The following LENG9 variants were observed in gnomAD, a reference collection of about 807,000 sequenced individuals.
LENG9 encodes leukocyte receptor cluster (LRC) member 9.
For synonymous variants in LENG9, 410 were observed against 303.9 expected, an observed-to-expected ratio of 1.35 and a Z score of -3.63; for missense variants, 872 against 652.7, an observed-to-expected ratio of 1.34 and a Z score of -3.66.
rs759974461 is a variant in LENG9, at chr19:54,462,936, G to A, written c.591C>T (p.Cys197=). Residue 197 remains cysteine, a synonymous_variant, in exon 1 of 1, where the codon TGC becomes TGT. Transcript: ENST00000611161. ...APKRGSTRPL[C]TGHQEPGVEE... is the part of the protein sequence containing the mutation. ...CCACGCCTGGTTCCTGGTGCCCTGT[G>A]CAGAGCGGCCTTGTGCTCCCTCGCT... 11 of 1,611,822 alleles carry A rather than the reference G, an allele frequency of 6.8e-6. No homozygotes were observed. In the Admixed American group the frequency reaches 1.8e-4, roughly 27 times the overall value.
Position 54,463,000 on chromosome 19 carries a change from G to C in LENG9, c.527C>G (p.Thr176Arg), listed in dbSNP as rs1414007588. The C allele has an allele frequency of 5.0e-6, 8 of 1,606,108 alleles. No homozygotes were observed. The highest frequency in any genetic ancestry group is 6.8e-6 in the Non-Finnish European group (8 of 1,179,728). Residue 176 changes from threonine to arginine, a missense_variant, in exon 1 of 1, where the codon ACA becomes AGA. Thr to Arg is a moderately conservative substitution (Grantham distance 71). Transcript: ENST00000611161. ...GGCCTCCTGACCTGTCCCCGCCAGTGTCCACTCGGCACCCTCTGCCCCGTG... is the reference window on the plus strand; with the variant it reads ...GGCCTCCTGACCTGTCCCCGCCAGTCTCCACTCGGCACCCTCTGCCCCGTG... ...GAHGAEGAEWTLAGTGQEAQA... is the reference protein window; with the variant it reads ...GAHGAEGAEWRLAGTGQEAQA...
rs746183393 is a variant in LENG9 at position 54,463,193 on chromosome 19, CCGCCAGCG to C, written c.326_333del (p.Pro109ArgfsTer113). Reference sequence around the variant, plus strand: ...ACTGCCAGCACGCCCGGCCCGAGCGCCGCCAGCGGCTGGTCCCAGCAAAAGGCGCTGAA... The same window carrying C: ...ACTGCCAGCACGCCCGGCCCGAGCGCGCTGGTCCCAGCAAAAGGCGCTGAA... On this transcript the variant is annotated frameshift_variant, in exon 1 of 1. Coordinates refer to ENST00000611161, the MANE Select transcript of LENG9 (RefSeq NM_001301782.2). LOFTEE classifies it low-confidence loss of function (END_TRUNC). The C allele has an allele frequency of 7.3e-5, 115 of 1,564,934 alleles. No individual in the cohort carries two copies. The highest frequency in any genetic ancestry group is 9.6e-5 in the Non-Finnish European group (112 of 1,161,986).
rs1232484767 is a variant in LENG9, at chr19:54,463,386, C to T, written c.141G>A (p.Ala47=). Residue 47 remains alanine, a synonymous_variant, in exon 1 of 1, where the codon GCG becomes GCA. Coordinates refer to ENST00000611161, the MANE Select transcript of LENG9 (RefSeq NM_001301782.2). ...RCRQPHPGAP[A]PPGREAQPEA... The stretch of plus-strand genomic sequence containing the variant: ...CCGGCTGCGCCTCGCGGCCAGGCGG[C>T]GCCGGCGCCCCAGGGTGGGGCTGGC... 3.1e-6 allele frequency: 4 copies of T among 1,293,338 alleles called. No individual in the cohort carries two copies. Among genetic ancestry groups the T allele is most frequent in the Non-Finnish European group, 2.9e-6 (3 of 1,024,142 alleles). 80.1% of individuals were successfully genotyped at this position (1,293,338 alleles called of 1,614,324 possible).
Position 54,462,162 on chromosome 19 carries a change from C to T in LENG9, c.1365G>A (p.Gln455=), listed in dbSNP as rs1312134594. The T allele has an allele frequency of 2.5e-6, 4 of 1,610,510 alleles. No individual in the cohort carries two copies. The African/African-American group carries it at 4.0e-5, about 16-fold the overall frequency. The change falls in exon 1 of 1, where the codon CAG becomes CAA. Residue 455 remains glutamine, a synonymous_variant. Transcript: ENST00000611161. Reference sequence around the variant, plus strand: ...TCCCTATACGGCACAGCCAGAGTGTCTGCAGGGGCTGGCACCCCACTTCCT... The same window carrying T: ...TCCCTATACGGCACAGCCAGAGTGTTTGCAGGGGCTGGCACCCCACTTCCT... ...LSQEVGCQPL[Q]TLWLCRIGRT... is the part of the protein sequence containing the mutation.
chr19:54,461,910 C>T lies in LENG9; in HGVS notation c.*180G>A, dbSNP rs1391516543. ...TTCCAGATGTTCCTCCTCTGCCTCC[C>T]CTTCCCCTCCTCTCCCCTCCTTTTC... is the stretch of plus-strand genomic sequence containing the variant. On this transcript the variant is annotated 3_prime_UTR_variant, in exon 1 of 1. Coordinates refer to ENST00000611161, the MANE Select transcript of LENG9 (RefSeq NM_001301782.2). 1.0e-5 allele frequency: 9 copies of T among 865,458 alleles called. No individual in the cohort carries two copies. The highest frequency in any genetic ancestry group is 8.0e-5 in the South Asian group (6 of 74,650). The allele number at this position is 865,458 out of a possible 1,614,324, so 53.6% of individuals were successfully genotyped here. A position where few individuals can be genotyped will look rare whatever the true frequency, so the allele number is the denominator to read the frequency against.
chr19:54,462,833 C>T lies in LENG9; in HGVS notation c.694G>A (p.Gly232Arg), dbSNP rs1427331698. The T allele has an allele frequency of 1.9e-6, 3 of 1,612,510 alleles. No individual in the cohort carries two copies. Among genetic ancestry groups the T allele is most frequent in the Admixed American group, 1.7e-5 (1 of 60,012 alleles). ...AADLGTLAPR[G>R]RLAGVTEALK... Reference sequence around the variant, plus strand: ...GCCTCAGTCACTCCGGCGAGGCGTCCTCTTGGGGCCAGTGTTCCCAAATCA... The same window carrying T: ...GCCTCAGTCACTCCGGCGAGGCGTCTTCTTGGGGCCAGTGTTCCCAAATCA... The change falls in exon 1 of 1, where the codon GGA becomes AGA. Residue 232 changes from glycine (G) to arginine (R), a missense_variant. Physicochemically the swap from Gly to Arg is moderately radical, Grantham distance 125. Transcript: ENST00000611161.
Position 54,463,606 on chromosome 19 carries a change from C to A in LENG9, c.-80G>T. ...GCGGCTCCCCTTGGATGCACCGAGC[C>A]TCACCCGACAGTGGCGTCAGCGGCC... On this transcript the variant is annotated 5_prime_UTR_variant, in exon 1 of 1. The change creates a new upstream start codon in the 5' untranslated region. Transcript: ENST00000611161. The A allele has an allele frequency of 7.8e-7, 1 of 1,289,122 alleles. No individual in the cohort carries two copies. The highest frequency in any genetic ancestry group is 2.1e-5 in the South Asian group (1 of 46,800). The allele number at this position is 1,289,122 out of a possible 1,614,324, so 79.9% of individuals were successfully genotyped here.
Position 54,463,528 on chromosome 19 carries a change from G to A in LENG9, c.-2C>T, listed in dbSNP as rs925799054. On this transcript the variant is annotated 5_prime_UTR_variant, in exon 1 of 1. Transcript: ENST00000611161. ...CTCCGGCTCTCTGGCCGCTGCCATG[G>A]GTGCGGGGAACTGGCACGCCCGCCG... 5.1e-6 allele frequency: 7 copies of A among 1,378,172 alleles called. No individual in the cohort carries two copies. The African/African-American group carries it at 9.0e-5, about 18-fold the overall frequency. 85.4% of individuals were successfully genotyped at this position (1,378,172 alleles called of 1,614,324 possible). A position where few individuals can be genotyped will look rare whatever the true frequency, so the allele number is the denominator to read the frequency against.
Position 54,463,118 on chromosome 19 carries a change from C to G in LENG9, c.409G>C (p.Asp137His). 6.3e-7 allele frequency: 1 copy of G among 1,599,750 alleles called. No individual in the cohort carries two copies. The highest frequency in any genetic ancestry group is 8.5e-7 in the Non-Finnish European group (1 of 1,178,276). The change falls in exon 1 of 1, where the codon GAC (aspartate) becomes CAC (histidine). Residue 137 changes from aspartate (D) to histidine (H), a missense_variant. By Grantham distance (81) the Asp-to-His change is moderately conservative. Coordinates refer to ENST00000611161, the MANE Select transcript of LENG9 (RefSeq NM_001301782.2). The stretch of plus-strand genomic sequence containing the variant: ...ACGAGGTCGGTGCGCGAGGCGCGGT[C>G]CCACACAAGGCGGCCACGGAAGCGG... ...FFRFRGRLVW[D>H]RASRTDLVFG... is the part of the protein sequence containing the mutation.
chr19:54,463,260 G>A lies in LENG9; in HGVS notation c.267C>T (p.Tyr89=), dbSNP rs1427230499. The A allele has an allele frequency of 3.9e-6, 6 of 1,542,338 alleles. No homozygotes were observed. Among genetic ancestry groups the A allele is most frequent in the Non-Finnish European group, 5.2e-6 (6 of 1,150,036 alleles). Residue 89 remains tyrosine (Y), a synonymous_variant, in exon 1 of 1, where the codon TAC becomes TAT. Transcript: ENST00000611161. ...CGCGCACACCCAGAAAGCGGTCGAC[G>A]TAGCCCACCGAGAAGTCGGCGGGGT... ...RLDPADFSVG[Y]VDRFLGVREE... is the part of the protein sequence containing the mutation.
rs1279112134 is a variant in LENG9 at position 54,462,266 on chromosome 19, G to C, written c.1261C>G (p.Leu421Val). 3 of 1,609,670 alleles carry C rather than the reference G, an allele frequency of 1.9e-6. No individual in the cohort carries two copies. Among genetic ancestry groups the C allele is most frequent in the Admixed American group, 1.7e-5 (1 of 59,752 alleles). ...GLSTLQSPGQ[L>V]HPHLTVAKVP... ...TTGGCCACGGTGAGGTGGGGGTGCA[G>C]CTGCCCTGGAGACTGTAGTGTACTC... Residue 421 changes from leucine (L) to valine (V), a missense_variant, in exon 1 of 1, where the codon CTG becomes GTG. By Grantham distance (32) the Leu-to-Val change is conservative (BLOSUM62 1). Coordinates refer to ENST00000611161, the MANE Select transcript of LENG9 (RefSeq NM_001301782.2).
Position 54,463,308 on chromosome 19 carries a change from G to A in LENG9, c.219C>T (p.Arg73=). ...GGTCGAGGCGCGGGTCCCAGCGGAT[G>A]CGCTGGATGACGTCCGCGGCTGTGC... is the stretch of plus-strand genomic sequence containing the variant. ...PLRTAADVIQ[R]IRWDPRLDPA... Residue 73 remains arginine (R), a synonymous_variant, in exon 1 of 1, where the codon CGC becomes CGT. Transcript: ENST00000611161. The A allele has an allele frequency of 6.5e-6, 10 of 1,529,198 alleles. No individual in the cohort carries two copies. The highest frequency in any genetic ancestry group is 7.9e-6 in the Non-Finnish European group (9 of 1,143,662). The allele number at this position is 1,529,198 out of a possible 1,614,324, so 94.7% of individuals were successfully genotyped here.
chr19:54,463,543 C>T lies in LENG9; in HGVS notation c.-17G>A. 3.6e-6 allele frequency: 5 copies of T among 1,388,816 alleles called. No homozygotes were observed. The highest frequency in any genetic ancestry group is 3.7e-6 in the Non-Finnish European group (4 of 1,067,056). 86.0% of individuals were successfully genotyped at this position (1,388,816 alleles called of 1,614,324 possible). ...CGCTGCCATGGGTGCGGGGAACTGG[C>T]ACGCCCGCCGCGCAGACGAGGTCGC... On this transcript the variant is annotated 5_prime_UTR_variant, in exon 1 of 1. Transcript: ENST00000611161.
Position 54,462,904 on chromosome 19 carries a change from G to T in LENG9, c.623C>A (p.Pro208His), listed in dbSNP as rs1315642086. 6.2e-7 allele frequency: 1 copy of T among 1,612,614 alleles called. No homozygotes were observed. Among genetic ancestry groups the T allele is most frequent in the Non-Finnish European group, 8.5e-7 (1 of 1,179,970 alleles). The change falls in exon 1 of 1, where the codon CCC becomes CAC. Residue 208 changes from proline (P) to histidine (H), a missense_variant. By Grantham distance (77) the Pro-to-His change is moderately conservative (BLOSUM62 -2). Transcript: ENST00000611161. The stretch of plus-strand genomic sequence containing the variant: ...CTCCTGGGCCGCCTCCAGCTCTCCG[G>T]GTTCCTCCACGCCTGGTTCCTGGTG... ...TGHQEPGVEE[P>H]GELEAAQERA...
Position 54,461,848 on chromosome 19 carries a change from T to A in LENG9, c.*242A>T. On this transcript the variant is annotated 3_prime_UTR_variant, in exon 1 of 1. Transcript: ENST00000611161. ...TGCCATGTAACTGGAGGATGTGCTATGAGTTTGCAAACAGCTGGACTGTCA... is the reference window on the plus strand; with the variant it reads ...TGCCATGTAACTGGAGGATGTGCTAAGAGTTTGCAAACAGCTGGACTGTCA... 1 of 615,096 alleles carries A rather than the reference T, an allele frequency of 1.6e-6. No homozygotes were observed. Among genetic ancestry groups the A allele is most frequent in the Non-Finnish European group, 3.1e-6 (1 of 319,404 alleles). 38.1% of individuals were successfully genotyped at this position (615,096 alleles called of 1,614,324 possible).
At position 54,462,437 on chromosome 19, in the gene LENG9, G is replaced by C. The variant is rs1335727114; in HGVS notation, c.1090C>G (p.Leu364Val). 7 of 1,613,520 alleles carry C rather than the reference G, an allele frequency of 4.3e-6. No homozygotes were observed. Among genetic ancestry groups the C allele is most frequent in the East Asian group, 4.5e-5 (2 of 44,890 alleles). The change falls in exon 1 of 1, where the codon CTC becomes GTC. Residue 364 changes from leucine (L) to valine (V), a missense_variant. Leu to Val is a conservative substitution (Grantham distance 32, BLOSUM62 1). Coordinates refer to ENST00000611161, the MANE Select transcript of LENG9 (RefSeq NM_001301782.2). ...AAAIGALRRALLAPGLNAPPR... is the reference protein window; with the variant it reads ...AAAIGALRRAVLAPGLNAPPR... ...GGTGCATTTAGCCCCGGGGCCAAGA[G>C]GGCCCGTCTCAGAGCTCCAATGGCA...
Position 54,462,232 on chromosome 19 carries a change from T to A in LENG9, c.1295A>T (p.His432Leu). 6.2e-7 allele frequency: 1 copy of A among 1,613,266 alleles called. No homozygotes were observed. The highest frequency in any genetic ancestry group is 1.7e-5 in the Admixed American group (1 of 59,954). ...CTTGGGGAGGTGGACCTGGGAACCA[T>A]GGGGCACCTTGGCCACGGTGAGGTG... ...HPHLTVAKVP[H>L]GSQVHLPKLE... is the part of the protein sequence containing the mutation. The change falls in exon 1 of 1, where the codon CAT becomes CTT. Residue 432 changes from histidine (H) to leucine (L), a missense_variant. By Grantham distance (99) the His-to-Leu change is moderately conservative. Transcript: ENST00000611161.
chr19:54,462,135 C>G lies in LENG9; in HGVS notation c.1392G>C (p.Arg464Ser), dbSNP rs771904400. 6.3e-7 allele frequency: 1 copy of G among 1,589,652 alleles called. No individual in the cohort carries two copies. The highest frequency in any genetic ancestry group is 8.6e-7 in the Non-Finnish European group (1 of 1,166,150). Residue 464 changes from arginine to serine, a missense_variant, in exon 1 of 1, where the codon AGG becomes AGC. By Grantham distance (110) the Arg-to-Ser change is moderately radical. Coordinates refer to ENST00000611161, the MANE Select transcript of LENG9 (RefSeq NM_001301782.2). ...LQTLWLCRIG[R>S]TGGPFQPLAE... is the part of the protein sequence containing the mutation. ...CCAGGGGCTGGAAAGGCCCCCCTGT[C>G]CTCCCTATACGGCACAGCCAGAGTG...
chr19:54,462,611 T>C lies in LENG9; in HGVS notation c.916A>G (p.Thr306Ala), dbSNP rs947805307. 14 of 1,613,728 alleles carry C rather than the reference T, an allele frequency of 8.7e-6. 1 individual carries two copies. The highest frequency in any genetic ancestry group is 1.2e-5 in the Non-Finnish European group (14 of 1,179,996). The change falls in exon 1 of 1, where the codon ACC (threonine) becomes GCC (alanine). Residue 306 changes from threonine to alanine, a missense_variant. Coordinates refer to ENST00000611161, the MANE Select transcript of LENG9 (RefSeq NM_001301782.2). ...ACTTCTGCTTGTAGCCCAGGCTCGGTCACCATGAGGGCCACAAAATGTGTG... is the reference window on the plus strand; with the variant it reads ...ACTTCTGCTTGTAGCCCAGGCTCGGCCACCATGAGGGCCACAAAATGTGTG... ...RPTHFVALMVTEPGLQAEVTK... is the reference protein window; with the variant it reads ...RPTHFVALMVAEPGLQAEVTK...
Sources: allele counts gnomAD v4.1 joint callset, GRCh38; gene constraint gnomAD v4.1.1; transcripts MANE v1.5; gene names NCBI Gene and HGNC (gene_info 2026-07-23, HGNC 2026-07-21).